FANCB: variants seen among roughly 807,000 people sequenced by gnomAD.
The protein encoded by FANCB is Fanconi anemia group B protein.
Under a neutral mutation model 38.9 loss-of-function variants are expected in FANCB, and 5 were observed. The ratio of observed to expected loss-of-function variants is 0.13; its 90% CI spans 0.07 to 0.27. FANCB has a LOEUF of 0.27. Among genes scored for constraint, FANCB ranks in the 10% least tolerant of loss-of-function variants. The pLI is 1.00. For synonymous variants in FANCB, 236 were observed against 215.4 expected (o/e 1.10, Z -0.84); for missense variants, 573 against 602.7 (o/e 0.95, Z 0.52).
chrX:14,860,421 T>C, intron 3 of FANCB, among the ~76,000 whole-genome samples: 1 of 111,794 alleles, frequency 8.9e-6, no homozygotes, highest in Non-Finnish European at 1.9e-5. Flanking sequence ...GAAAAGACAT[T>C]AGTAATAAGA....
At chrX:14,690,451 G>A in the FANCB span, among the ~76,000 whole-genome samples, 5 of 111,627 alleles carry the variant, frequency 4.5e-5, no homozygotes, top group Non-Finnish European at 9.4e-5. Flanking sequence ...GGAAATTCTT[G>A]AAGTCATTGG....
chrX:14,712,991 C>A, the FANCB span, among the ~76,000 whole-genome samples: 1 of 112,056 alleles, frequency 8.9e-6, no homozygotes, highest in Non-Finnish European at 1.9e-5. Flanking sequence ...AAATATAGTT[C>A]TTCCCAGCCT....
chrX:14,695,376 G>T, the FANCB span, among the ~76,000 whole-genome samples: 4 of 111,921 alleles, frequency 3.6e-5, no homozygotes, highest in Non-Finnish European at 7.5e-5. Flanking sequence ...GAATGCATTT[G>T]GCAAAGGAAA....
the FANCB span, among the ~76,000 whole-genome samples, chrX:14,803,890 T>C: frequency 1.8e-5 from 2 of 111,654 alleles, no homozygotes; most frequent in African/African-American, 3.3e-5. Context: ...AAAATGCTCA[T>C]CATCACTGGC....
chrX:14,742,151 CAG>C, the FANCB span, among the ~76,000 whole-genome samples: 3 of 111,614 alleles, frequency 2.7e-5, no homozygotes, highest in Non-Finnish European at 5.6e-5. Flanking sequence ...GACCAATACC[CAG>C]AGAGTTAAAG....
chrX:14,858,891 A>T (rs1178259168), intron 4 of FANCB, among the ~76,000 whole-genome samples: 1 of 111,571 alleles, frequency 9.0e-6, no homozygotes, highest in Non-Finnish European at 1.9e-5. Context: ...TATTGGTATA[A>T]AATGTGATTT....
the FANCB span, among the ~76,000 whole-genome samples, chrX:14,762,088 T>C: frequency 2.7e-5 from 3 of 111,317 alleles, no homozygotes; most frequent in Non-Finnish European, 5.6e-5. Context: ...GTTCACTGTC[T>C]GCTAAGGGCC....
chrX:14,755,917 G>A, the FANCB span, among the ~76,000 whole-genome samples: 5 of 111,926 alleles, frequency 4.5e-5, no homozygotes, highest in African/African-American at 1.6e-4. Flanking sequence ...CAGAGCTATA[G>A]CAACCAAAAG....
chrX:14,765,502 C>G, the FANCB span, among the ~76,000 whole-genome samples: 2 of 112,377 alleles, frequency 1.8e-5, no homozygotes, highest in African/African-American at 6.5e-5. Context: ...ACTCCGTTCT[C>G]CAGTTGAAGA....
the FANCB span, among the ~76,000 whole-genome samples, chrX:14,710,791 G>T: frequency 9.0e-6 from 1 of 111,558 alleles, no homozygotes; most frequent in Non-Finnish European, 1.9e-5. Context: ...CTTCAATGTG[G>T]TTTACCCTCT....
intron 10 of FANCB, among the ~76,000 whole-genome samples, chrX:14,838,081 A>T (rs751644953): frequency 1.8e-5 from 2 of 112,170 alleles, no homozygotes; most frequent in Non-Finnish European, 3.8e-5. Flanking sequence ...TGATTTAAAC[A>T]TAAATAGTCC....
intron 3 of FANCB, chrX:14,862,243 A>G (rs1335128064): frequency 8.9e-6 from 1 of 111,833 alleles, no homozygotes; most frequent in African/African-American, 3.3e-5. Flanking sequence ...GCAACTTTGA[A>G]GCACTTACTT....
the FANCB span, among the ~76,000 whole-genome samples, chrX:14,742,493 T>C: frequency 3.2e-3 from 356 of 111,924 alleles, 1 homozygote; most frequent in African/African-American, 0.01. Context: ...GTGTAAAATA[T>C]AATAGTATAT....
chrX:14,802,767 G>A, the FANCB span, among the ~76,000 whole-genome samples: 3 of 112,101 alleles, frequency 2.7e-5, no homozygotes, highest in Non-Finnish European at 5.6e-5. Context: ...TTGAGTGGTT[G>A]GATGGGTGGT....
the FANCB span, among the ~76,000 whole-genome samples, chrX:14,822,702 A>G: frequency 4.5e-5 from 5 of 111,601 alleles, no homozygotes; most frequent in African/African-American, 1.6e-4. Context: ...CAAATAATAC[A>G]AAGGGTTCCG....
the FANCB span, among the ~76,000 whole-genome samples, chrX:14,774,096 G>A: frequency 2.1e-3 from 240 of 111,696 alleles, 1 homozygote; most frequent in African/African-American, 7.6e-3. Context: ...TAATAAATTC[G>A]AGTATGAAAA....
the FANCB span, among the ~76,000 whole-genome samples, chrX:14,828,237 G>A: frequency 8.9e-6 from 1 of 111,839 alleles, no homozygotes; most frequent in Non-Finnish European, 1.9e-5. Flanking sequence ...GAATGTTGAG[G>A]TGGCTGTGGC....
chrX:14,872,129 G>A (rs1229963112), intron 1 of FANCB, among the ~76,000 whole-genome samples: 3 of 112,117 alleles, frequency 2.7e-5, no homozygotes, highest in African/African-American at 9.7e-5. Context: ...GTGAGTAGAG[G>A]TAGAAGGAGA....
At chrX:14,747,111 T>C in the FANCB span, among the ~76,000 whole-genome samples, 1 of 112,157 alleles carries the variant, frequency 8.9e-6, no homozygotes, top group East Asian at 2.8e-4. Context: ...CCACTCCTCT[T>C]TCCTTTTTCT....
Sources: gnomAD v4.1 joint callset for allele counts (sites outside exome capture counted in the v4.1 genomes callset) on GRCh38, gnomAD v4.1.1 for gene constraint, MANE v1.5 for transcripts, NCBI Gene and HGNC (gene_info 2026-07-23, HGNC 2026-07-21) for gene names.